PTPRJ: variants seen among roughly 807,000 people sequenced by gnomAD.
PTPRJ encodes protein tyrosine phosphatase receptor type J, also known as receptor-type tyrosine-protein phosphatase eta.
PTPRJ carries 129 observed loss-of-function variants against 141.3 expected under a neutral mutation model. That is an observed-to-expected ratio of 0.91 (90% CI 0.79 to 1.06). PTPRJ has a LOEUF of 1.06. Among genes scored for constraint, PTPRJ ranks in the 50% least tolerant of loss-of-function variants. The probability of loss-of-function intolerance (pLI) is 0.00; values close to 1 mark genes in which losing one functional copy is unlikely to be tolerated. For synonymous variants in PTPRJ, 610 were observed against 640.5 expected, an observed-to-expected ratio of 0.95 and a Z score of 0.72; for missense variants, 1,601 against 1,679.7, an observed-to-expected ratio of 0.95 and a Z score of 0.82.
At chr11:48,031,224 A>G (rs968467852) in intron 1 of PTPRJ, among the ~76,000 whole-genome samples, 7 of 152,346 alleles carry the variant, frequency 4.6e-5, no homozygotes, top group African/African-American at 1.4e-4. Context: ...TTGGAAAAGC[A>G]GAGTCAAAGT....
intron 1 of PTPRJ, among the ~76,000 whole-genome samples, chr11:48,108,343 G>T (rs1856350996): frequency 6.6e-6 from 1 of 152,180 alleles, no homozygotes; most frequent in Non-Finnish European, 1.5e-5. Context: ...ATACAGACAG[G>T]GAGGGACAGA....
At chr11:48,061,613 G>C (rs1854925317) in intron 1 of PTPRJ, among the ~76,000 whole-genome samples, 1 of 152,222 alleles carries the variant, frequency 6.6e-6, no homozygotes, top group Admixed American at 6.5e-5. Flanking sequence ...TAAGTACAGA[G>C]CTGGGATCCT....
Position 48,143,004 on chromosome 11 carries a change from C to A in PTPRJ, c.2529C>A (p.Ser843Arg), listed in dbSNP as rs1375249697. Residue 843 changes from serine (S) to arginine (R), a missense_variant, in exon 12 of 25, where the codon AGC (serine) becomes AGA (arginine). Ser to Arg is a moderately radical substitution (Grantham distance 110, BLOSUM62 -1). Coordinates refer to ENST00000418331, the MANE Select transcript of PTPRJ (RefSeq NM_002843.4). ...VKVKFSGFEA[S>R]HGPIKAYAVI... is the part of the protein sequence containing the mutation. Reference sequence around the variant, plus strand: ...TCAAGTTCAGTGGATTTGAAGCCAGCCACGGACCCATCAAAGCCTATGCTG... The same window carrying A: ...TCAAGTTCAGTGGATTTGAAGCCAGACACGGACCCATCAAAGCCTATGCTG... 1 of 1,614,074 alleles carries A rather than the reference C, an allele frequency of 6.2e-7. No homozygotes were observed. Among genetic ancestry groups the A allele is most frequent in the African/African-American group, 1.3e-5 (1 of 74,932 alleles).
intron 1 of PTPRJ, among the ~76,000 whole-genome samples, chr11:48,084,891 T>C (rs1416373012): frequency 1.3e-5 from 2 of 152,130 alleles, no homozygotes; most frequent in Non-Finnish European, 2.9e-5. Context: ...TGTACAATTA[T>C]TTGTAATTAA....
intron 10 of PTPRJ, 92 bp downstream of exon 10, chr11:48,137,373 T>C: frequency 7.1e-7 from 1 of 1,415,206 alleles, no homozygotes; most frequent in South Asian, 1.3e-5. Context: ...TGTCTGGTTT[T>C]GTGTGATGTG....
chr11:48,047,027 T>G (rs1191543382), intron 1 of PTPRJ, among the ~76,000 whole-genome samples: 3 of 150,430 alleles, frequency 2.0e-5, no homozygotes. Flanking sequence ...GTGATTCTCT[T>G]GCCTCAGCCT....
rs66504227 is a variant in PTPRJ at position 48,035,538 on chromosome 11, C to CTTTTTTTTTTTTTTTTTTTTTTTTTTT, written c.96+54531_96+54557dup. On this transcript the variant is annotated intron_variant, in intron 1 of 24. Transcript: ENST00000418331. Reference sequence around the variant, plus strand: ...TTTCTTTTCTTTTTTCTTTCTTCTTCTTTTTTTTTTTTTTTTTTTTTTTTT... The same window carrying CTTTTTTTTTTTTTTTTTTTTTTTTTTT: ...TTTCTTTTCTTTTTTCTTTCTTCTTCTTTTTTTTTTTTTTTTTTTTTTTTTTTTTTTTTTTTTTTTTTTTTTTTTTTT... Among the ~76,000 whole-genome samples, 74 of 61,742 alleles carry CTTTTTTTTTTTTTTTTTTTTTTTTTTT rather than the reference C, an allele frequency of 1.2e-3. 1 individual carries two copies. The highest frequency in any genetic ancestry group is 1.7e-3 in the Non-Finnish European group (58 of 33,812). The allele number at this position is 61,742 out of a possible 152,430, so 40.5% of individuals were successfully genotyped here. A position where few individuals can be genotyped will look rare whatever the true frequency, so the allele number is the denominator to read the frequency against.
At chr11:48,077,992 C>G (rs1356919586) in intron 1 of PTPRJ, among the ~76,000 whole-genome samples, 2 of 151,512 alleles carry the variant, frequency 1.3e-5, no homozygotes, top group East Asian at 3.9e-4. Context: ...GCTGGGTGAT[C>G]AGGGAAGGTT....
intron 1 of PTPRJ, among the ~76,000 whole-genome samples, chr11:48,066,366 A>G (rs903168196): frequency 1.3e-5 from 2 of 152,050 alleles, no homozygotes; most frequent in African/African-American, 4.8e-5. Flanking sequence ...TATCATAAAT[A>G]TGTAGTTACC....
intron 1 of PTPRJ, among the ~76,000 whole-genome samples, chr11:48,017,249 G>A (rs773741926): frequency 4.6e-5 from 7 of 152,138 alleles, no homozygotes; most frequent in Non-Finnish European, 7.3e-5. Flanking sequence ...GATGACATCT[G>A]TGCACATCAT....
intron 22 of PTPRJ, 93 bp downstream of exon 22, chr11:48,160,142 T>C: frequency 1.3e-6 from 2 of 1,500,230 alleles, no homozygotes; most frequent in Non-Finnish European, 1.8e-6. Flanking sequence ...CTAATATGTT[T>C]TCCTATGCAG....
intron 8 of PTPRJ, among the ~76,000 whole-genome samples, chr11:48,135,638 C>T (rs1232487256): frequency 6.6e-6 from 1 of 152,074 alleles, no homozygotes; most frequent in Admixed American, 6.5e-5. Context: ...TGTACCACCA[C>T]ACCCAACTAA....
chr11:48,058,619 TCC>T (rs1014990512), intron 1 of PTPRJ, among the ~76,000 whole-genome samples: 1 of 152,062 alleles, frequency 6.6e-6, no homozygotes, highest in Non-Finnish European at 1.5e-5. Context: ...TTCTCACCTC[TCC>T]CCAGCCACCG....
chr11:48,123,585 A>G (rs1463601066), intron 4 of PTPRJ, 28 bp from the exon 5 acceptor site: 1 of 1,604,490 alleles, frequency 6.2e-7, no homozygotes, highest in African/African-American at 1.3e-5. Context: ...ATCTTGTTCC[A>G]TTAATGCATG....
intron 1 of PTPRJ, among the ~76,000 whole-genome samples, chr11:48,031,604 G>T (rs1331308441): frequency 6.6e-6 from 1 of 152,174 alleles, no homozygotes; most frequent in Non-Finnish European, 1.5e-5. Flanking sequence ...GGCCTGTGTG[G>T]TCCAGCCTGA....
intron 1 of PTPRJ, among the ~76,000 whole-genome samples, chr11:48,054,809 C>T (rs1854710417): frequency 6.7e-6 from 1 of 148,428 alleles, no homozygotes; most frequent in Non-Finnish European, 1.5e-5. Flanking sequence ...CATTTTTTTC[C>T]TTTCTTTCTT....
At chr11:48,087,978 C>G (rs1855760423) in intron 1 of PTPRJ, among the ~76,000 whole-genome samples, 1 of 152,172 alleles carries the variant, frequency 6.6e-6, no homozygotes, top group South Asian at 2.1e-4. Context: ...TCAGCTGTTG[C>G]TTGCGTTGGT....
intron 8 of PTPRJ, chr11:48,131,663 C>T: frequency 1.7e-6 from 1 of 587,902 alleles, no homozygotes; most frequent in East Asian, 2.9e-5. Context: ...CTGTCTATGG[C>T]TACTTTGGTG....
Position 48,020,752 on chromosome 11 carries a change from TG to T in PTPRJ, c.96+39746del, listed in dbSNP as rs1478881781. Among the ~76,000 whole-genome samples the T allele has an allele frequency of 6.6e-5, 10 of 152,288 alleles. No homozygotes were observed. In the East Asian group the frequency reaches 1.9e-3, roughly 29 times the overall value. ...CACGGACTGAGTTGGGTCCCAATGC[TG>T]GATGTCCCTACTCTTCCTCCTGCCC... On this transcript the variant is annotated intron_variant, in intron 1 of 24. Coordinates refer to ENST00000418331, the MANE Select transcript of PTPRJ (RefSeq NM_002843.4).
Sources: gnomAD v4.1 joint callset for allele counts (sites outside exome capture counted in the v4.1 genomes callset) on GRCh38, gnomAD v4.1.1 for gene constraint, MANE v1.5 for transcripts, NCBI Gene and HGNC (gene_info 2026-07-23, HGNC 2026-07-21) for gene names.